Variants in VCL observed in about 807,000 individuals in gnomAD.
VCL encodes epididymis luminal protein 114.
VCL carries 47 observed loss-of-function variants against 125.7 expected under a neutral mutation model. That is an observed-to-expected ratio of 0.37 (90% CI 0.30 to 0.48). The LOEUF (loss-of-function observed/expected upper bound fraction) is 0.48, where lower values mean the gene tolerates loss of function less well. VCL is among the 20% of genes least tolerant of loss of function. The pLI, the probability that VCL is intolerant of heterozygous loss-of-function variation, is 0.99. For missense variants in VCL, 1,069 were observed against 1,455.5 expected (o/e 0.73, Z 4.32); for synonymous variants, 458 against 514.6 (o/e 0.89, Z 1.49).
chr10:74,100,837 C>T (rs1840041055), intron 13 of VCL, 111 bp from the exon 14 acceptor site: 1 of 1,303,056 alleles, frequency 7.7e-7, no homozygotes, highest in South Asian at 1.2e-5. Context: ...TTGATGTCAT[C>T]TCTAAAGTCT....
chr10:74,067,803 G>A (rs1841597197), intron 2 of VCL, among the ~76,000 whole-genome samples: 1 of 152,194 alleles, frequency 6.6e-6, no homozygotes, highest in African/African-American at 2.4e-5. Flanking sequence ...GAGACAGAAA[G>A]CAGATTAGCG....
At chr10:74,030,933 A>C (rs1840862889) in intron 1 of VCL, among the ~76,000 whole-genome samples, 1 of 152,188 alleles carries the variant, frequency 6.6e-6, no homozygotes, top group Non-Finnish European at 1.5e-5. Flanking sequence ...TACTATGTGG[A>C]CCAAACAAAA....
At chr10:74,019,924 G>A (rs540803629) in intron 1 of VCL, among the ~76,000 whole-genome samples, 105 of 152,092 alleles carry the variant, frequency 6.9e-4, no homozygotes, top group African/African-American at 2.2e-3. Flanking sequence ...TTAGCCGGGC[G>A]TGGTGGCGGG....
chr10:74,004,592 T>C (rs993500735), intron 1 of VCL, among the ~76,000 whole-genome samples: 2 of 152,292 alleles, frequency 1.3e-5, no homozygotes, highest in Middle Eastern at 6.8e-3. Flanking sequence ...CTGGCAACAG[T>C]ATCTGTTTAG....
Position 74,070,728 on chromosome 10 carries a change from T to A in VCL, c.298T>A (p.Tyr100Asn). ...AGCTCAGATGCTTCAGTCAGACCCT[T>A]ACTCAGTGCCTGCTCGAGATTATCT... ...QAAQMLQSDPYSVPARDYLID... is the reference protein window; with the variant it reads ...QAAQMLQSDPNSVPARDYLID... The change falls in exon 3 of 22, where the codon TAC (tyrosine) becomes AAC (asparagine). Residue 100 changes from tyrosine to asparagine, a missense_variant. Transcript: ENST00000211998. 1.2e-6 allele frequency: 2 copies of A among 1,614,208 alleles called. No individual in the cohort carries two copies. Among genetic ancestry groups the A allele is most frequent in the Non-Finnish European group, 1.7e-6 (2 of 1,180,044 alleles).
intron 13 of VCL, among the ~76,000 whole-genome samples, chr10:74,100,019 G>T (rs1840025925): frequency 6.6e-6 from 1 of 152,188 alleles, no homozygotes; most frequent in Non-Finnish European, 1.5e-5. Flanking sequence ...CAAAAAAGAG[G>T]ACGCATTCCA....
rs542217994 is a variant in VCL, at chr10:74,043,223, T to C, written c.239+70T>C. 70 of 1,381,650 alleles carry C rather than the reference T, an allele frequency of 5.1e-5. No individual in the cohort carries two copies. In the Admixed American group the frequency reaches 1.2e-3, roughly 23 times the overall value. 85.6% of individuals were successfully genotyped at this position (1,381,650 alleles called of 1,614,324 possible). A position where few individuals can be genotyped will look rare whatever the true frequency, so the allele number is the denominator to read the frequency against. ...CTTGTTAGGAAGAAAAAGTAGCTGA[T>C]TTCAGTAACAACTTTTTTTTGGTAT... On this transcript the variant is annotated intron_variant, in intron 2 of 21. Transcript: ENST00000211998.
chr10:74,099,123 C>T (rs1176516935), intron 13 of VCL, among the ~76,000 whole-genome samples: 6 of 152,176 alleles, frequency 3.9e-5, no homozygotes, highest in Non-Finnish European at 8.8e-5. Flanking sequence ...TTCACTAGGC[C>T]ATCAATCAAA....
rs2131944747 is a variant in VCL at position 74,118,438 on chromosome 10, C to T, written c.*269C>T. ...CCCAATAGGCAGACTGGGTTTCTAG[C>T]CCATGGACTTCACATAAGCTCAGAA... is the stretch of plus-strand genomic sequence containing the variant. On this transcript the variant is annotated 3_prime_UTR_variant, in exon 22 of 22. Coordinates refer to ENST00000211998, the MANE Select transcript of VCL (RefSeq NM_014000.3). 2 of 473,906 alleles carry T rather than the reference C, an allele frequency of 4.2e-6. No homozygotes were observed. The highest frequency in any genetic ancestry group is 4.2e-5 in the East Asian group (1 of 23,558). The allele number at this position is 473,906 out of a possible 1,614,324, so 29.4% of individuals were successfully genotyped here.
At chr10:74,056,473 T>C (rs975756003) in intron 2 of VCL, among the ~76,000 whole-genome samples, 3 of 152,152 alleles carry the variant, frequency 2.0e-5, no homozygotes, top group Admixed American at 1.3e-4. Context: ...AAGTCCACTT[T>C]GCATTATGTT....
At chr10:74,043,275 C>G (rs2136248966) in intron 2 of VCL, 122 bp downstream of exon 2, 1 of 903,344 alleles carries the variant, frequency 1.1e-6, no homozygotes, top group East Asian at 2.5e-5. Context: ...ATTGAAATTT[C>G]AACTTTTTTG....
intron 1 of VCL, among the ~76,000 whole-genome samples, chr10:74,019,524 A>G (rs548566701): frequency 1.3e-5 from 2 of 152,106 alleles, no homozygotes; most frequent in South Asian, 4.2e-4. Flanking sequence ...GATAGATTGG[A>G]GCGCTGGTGA....
intron 2 of VCL, among the ~76,000 whole-genome samples, chr10:74,053,422 C>T (rs1841340927): frequency 1.3e-5 from 2 of 152,006 alleles, no homozygotes; most frequent in South Asian, 4.1e-4. Flanking sequence ...ATTTCCTATT[C>T]AGTATTGCTT....
chr10:74,091,802 A>G (rs1369703438), intron 10 of VCL, among the ~76,000 whole-genome samples: 7 of 132,656 alleles, frequency 5.3e-5, no homozygotes, highest in Admixed American at 4.9e-4. Context: ...AAAAAAAAAA[A>G]AAAAAAAAAA....
chr10:74,029,912 C>T (rs1464771001), intron 1 of VCL, among the ~76,000 whole-genome samples: 1 of 152,066 alleles, frequency 6.6e-6, no homozygotes, highest in East Asian at 1.9e-4. Context: ...ATAAAAATCA[C>T]CTGAAATTCT....
chr10:74,087,513 A>ATTTTTTTTT (rs1167937127), intron 8 of VCL, among the ~76,000 whole-genome samples: 60 of 122,984 alleles, frequency 4.9e-4, no homozygotes, highest in Non-Finnish European at 6.8e-4. Context: ...CGCCTGGCTA[A>ATTTTTTTTT]TTTTTTTTTT....
intron 2 of VCL, among the ~76,000 whole-genome samples, chr10:74,056,800 A>T (rs142869739): frequency 3.3e-5 from 5 of 152,138 alleles, no homozygotes; most frequent in African/African-American, 1.2e-4. Context: ...GCTATTACTG[A>T]TATGCCACAG....
rs1327349813 is a variant in VCL, at chr10:74,118,854, AT to A, written c.*687del. 1 of 155,912 alleles carries A rather than the reference AT, an allele frequency of 6.4e-6. No homozygotes were observed. Among genetic ancestry groups the A allele is most frequent in the Non-Finnish European group, 1.4e-5 (1 of 70,102 alleles). The allele number at this position is 155,912 out of a possible 1,614,324, so 9.7% of individuals were successfully genotyped here. A position where few individuals can be genotyped will look rare whatever the true frequency, so the allele number is the denominator to read the frequency against. On this transcript the variant is annotated 3_prime_UTR_variant, in exon 22 of 22. Transcript: ENST00000211998. ...CAGGAAGAAATCACAGAATCATATG[AT>A]TCTGCTTTTACCATGCCCCTGAGCA...
intron 14 of VCL, among the ~76,000 whole-genome samples, chr10:74,101,681 G>A (rs1481738232): frequency 1.8e-3 from 268 of 148,644 alleles, no homozygotes; most frequent in African/African-American, 5.4e-3. Context: ...TCAGCCTCCC[G>A]AGTAGCTGGG....
Sources: allele counts gnomAD v4.1 joint callset (sites outside exome capture counted in the v4.1 genomes callset), GRCh38; gene constraint gnomAD v4.1.1; transcripts MANE v1.5; gene names NCBI Gene and HGNC (gene_info 2026-07-23, HGNC 2026-07-21).